MEIG1: variants seen among roughly 807,000 people sequenced by gnomAD.
MEIG1 encodes meiosis expressed gene 1 protein homolog.
MEIG1 carries 12 observed loss-of-function variants against 11.3 expected under a neutral mutation model. The observed-to-expected ratio is 1.07, with a 90% CI of 0.68 to 1.73. MEIG1 has a LOEUF of 1.73. Among genes scored for constraint, MEIG1 ranks in the 40% most tolerant of loss-of-function variants. The pLI, the probability that MEIG1 is intolerant of heterozygous loss-of-function variation, is 0.00. For missense variants in MEIG1, 119 were observed against 104.9 expected (o/e 1.13, Z -0.59); for synonymous variants, 41 against 33.2 (o/e 1.24, Z -0.81).
intron 1 of MEIG1, among the ~76,000 whole-genome samples, chr10:14,981,263 A>T (rs1292091103): frequency 8.8e-5 from 13 of 147,138 alleles, no homozygotes; most frequent in Non-Finnish European, 1.5e-5. Flanking sequence ...AAAAGTCTCC[A>T]TTCCTCCTCT....
intron 1 of MEIG1, among the ~76,000 whole-genome samples, chr10:14,962,334 A>G (rs959242033): frequency 6.6e-6 from 1 of 152,168 alleles, no homozygotes; most frequent in Non-Finnish European, 1.5e-5. Context: ...CACCACTTAT[A>G]TAGCGTAGTT....
chr10:14,975,925 T>G (rs921294158), downstream of MEIG1, among the ~76,000 whole-genome samples: 3 of 152,136 alleles, frequency 2.0e-5, no homozygotes, highest in South Asian at 4.1e-4. Context: ...ATGCTATTAC[T>G]GCAAATAGTA....
At chr10:14,974,214 C>T (rs1310534484), downstream of MEIG1, among the ~76,000 whole-genome samples, 1 of 152,108 alleles carries the variant, frequency 6.6e-6, no homozygotes, top group Admixed American at 6.6e-5. Context: ...CTTCCATACT[C>T]TTGGGGGTTT....
intron 1 of MEIG1, among the ~76,000 whole-genome samples, chr10:14,961,910 C>T (rs1843018924): frequency 1.3e-5 from 2 of 152,110 alleles, no homozygotes; most frequent in South Asian, 2.1e-4. Context: ...GGGGATCAAA[C>T]AATCCTCCCA....
intron 1 of MEIG1, among the ~76,000 whole-genome samples, chr10:14,961,258 A>C (rs1225017298): frequency 1.3e-5 from 2 of 152,238 alleles, no homozygotes; most frequent in Non-Finnish European, 2.9e-5. Context: ...CTGAATTCAA[A>C]GTGGAAAACA....
chr10:14,981,158 C>A (rs58109079), intron 1 of MEIG1, among the ~76,000 whole-genome samples: 19,283 of 148,512 alleles, frequency 0.13, 2,237 homozygotes, highest in African/African-American at 0.31. Context: ...GGGCCCCAGT[C>A]TTAACTGGCC....
At chr10:14,971,370 A>G (rs914119136) in intron 2 of MEIG1, among the ~76,000 whole-genome samples, 19 of 17,456 alleles carry the variant, frequency 1.1e-3, no homozygotes, top group African/African-American at 3.8e-3. Flanking sequence ...GTCTCTACAA[A>G]AAAAAAAAAG....
chr10:14,955,234 A>G (rs1842913564), upstream of MEIG1, among the ~76,000 whole-genome samples: 3 of 152,196 alleles, frequency 2.0e-5, no homozygotes, highest in Admixed American at 6.5e-5. Context: ...CCAGGCCTCC[A>G]TAACACTTGA....
chr10:14,954,230 C>G, the MEIG1 span: 1 of 686,154 alleles, frequency 1.5e-6, no homozygotes, highest in Admixed American at 2.5e-5. Flanking sequence ...ACCCGCGCTT[C>G]GCTGCACGCG....
At chr10:14,959,240 T>A (rs1194464798), upstream of MEIG1, among the ~76,000 whole-genome samples, 1 of 152,200 alleles carries the variant, frequency 6.6e-6, no homozygotes, top group South Asian at 2.1e-4. Flanking sequence ...GCAGCGCTCC[T>A]ACCTGGGACC....
At position 14,961,813 on chromosome 10, in the gene MEIG1, C is replaced by A. The variant is rs568771775; in HGVS notation, c.-30+2256C>A. Reference sequence around the variant, plus strand: ...TATTTTTATTTATTTATTTTTTTAACATTTTTTTCTTGAGGCAGGGTCTCA... The same window carrying A: ...TATTTTTATTTATTTATTTTTTTAAAATTTTTTTCTTGAGGCAGGGTCTCA... On this transcript the variant is annotated intron_variant, in intron 1 of 2. Coordinates refer to ENST00000407572, the MANE Select transcript of MEIG1 (RefSeq NM_001080836.3). 3.3e-5 allele frequency among the ~76,000 whole-genome samples: 5 copies of A among 150,340 alleles called. No homozygotes were observed. In the South Asian group the frequency reaches 1.1e-3, roughly 32 times the overall value.
chr10:14,977,212 C>T (rs1456170289), downstream of MEIG1, among the ~76,000 whole-genome samples: 1 of 151,872 alleles, frequency 6.6e-6, no homozygotes, highest in Admixed American at 6.6e-5. Flanking sequence ...AAGATAACAC[C>T]CTGTGACACT....
At chr10:14,966,140 T>C (rs1044326786) in intron 1 of MEIG1, among the ~76,000 whole-genome samples, 7 of 144,136 alleles carry the variant, frequency 4.9e-5, no homozygotes, top group African/African-American at 1.8e-4. Flanking sequence ...CTCAGCTCAC[T>C]GCAACCTCCA....
At chr10:14,976,408 T>G (rs1843210674), downstream of MEIG1, among the ~76,000 whole-genome samples, 1 of 152,096 alleles carries the variant, frequency 6.6e-6, no homozygotes, top group African/African-American at 2.4e-5. Context: ...CCTTGTGGTG[T>G]TATTCTTATT....
At chr10:14,977,076 CAG>C (rs112214813), downstream of MEIG1, among the ~76,000 whole-genome samples, 40 of 152,112 alleles carry the variant, frequency 2.6e-4, no homozygotes, top group African/African-American at 9.2e-4. Context: ...TTTAATGACA[CAG>C]GGGTGTACAC....
rs1221920721 is a variant in MEIG1 at position 14,966,527 on chromosome 10, A to G, written c.59A>G (p.Glu20Gly). 2.5e-6 allele frequency: 4 copies of G among 1,612,946 alleles called. No homozygotes were observed. In the African/African-American group the frequency reaches 5.3e-5, roughly 22 times the overall value. Residue 20 changes from glutamate (E) to glycine (G), a missense_variant, in exon 2 of 3, where the codon GAG becomes GGG. Glu to Gly is a moderately conservative substitution (Grantham distance 98). Transcript: ENST00000407572. ...AGTCATGCCAAAAAATGGTCAGAAG[A>G]GATAGAAAATCTGTACAGATTTCAA... Reference protein sequence around the residue: ...SVSHAKKWSEEIENLYRFQQA... With the variant: ...SVSHAKKWSEGIENLYRFQQA...
intron 1 of MEIG1, among the ~76,000 whole-genome samples, chr10:14,961,107 T>A (rs1452747691): frequency 6.6e-6 from 1 of 152,214 alleles, no homozygotes; most frequent in Non-Finnish European, 1.5e-5. Flanking sequence ...ACACCCATGG[T>A]AGGTCGAAAA....
At chr10:14,964,249 C>T (rs568495664) in intron 1 of MEIG1, among the ~76,000 whole-genome samples, 1 of 152,144 alleles carries the variant, frequency 6.6e-6, no homozygotes, top group South Asian at 2.1e-4. Context: ...AGCCTCCTAA[C>T]AGTCTTCATT....
At chr10:14,975,791 G>A (rs1843203530), downstream of MEIG1, among the ~76,000 whole-genome samples, 1 of 152,038 alleles carries the variant, frequency 6.6e-6, no homozygotes, top group African/African-American at 2.4e-5. Flanking sequence ...ATATCGCATG[G>A]GATGGACACG....
Sources: allele counts gnomAD v4.1 joint callset (sites outside exome capture counted in the v4.1 genomes callset), GRCh38; gene constraint gnomAD v4.1.1; transcripts MANE v1.5; gene names NCBI Gene and HGNC (gene_info 2026-07-23, HGNC 2026-07-21).